INSL6: variants seen among roughly 807,000 people sequenced by gnomAD.
INSL6 encodes insulin like 6.
A neutral mutation model predicts 9.4 loss-of-function variants in INSL6; 16 were observed. That is an observed-to-expected ratio of 1.70 (90% CI 1.15 to 2.59). INSL6 has a LOEUF of 2.59. Among genes scored for constraint, INSL6 ranks in the 30% most tolerant of loss-of-function variants. The probability of loss-of-function intolerance (pLI) is 0.00; values close to 1 mark genes in which losing one functional copy is unlikely to be tolerated. For missense variants in INSL6, 391 were observed against 257.3 expected (o/e 1.52, Z -3.56); for synonymous variants, 154 against 96.9 (o/e 1.59, Z -3.46).
chr9:5,024,949 G>A, the INSL6 span, among the ~76,000 whole-genome samples: 4 of 152,190 alleles, frequency 2.6e-5, no homozygotes, highest in African/African-American at 9.7e-5. Context: ...TGCTTAACTA[G>A]GGGGAGTGGA....
the INSL6 span, among the ~76,000 whole-genome samples, chr9:5,004,086 CA>C: frequency 6.6e-6 from 1 of 152,054 alleles, no homozygotes; most frequent in African/African-American, 2.4e-5. Context: ...TGCAGAATGG[CA>C]AAATCAGTCT....
chr9:5,164,488 T>G (rs181908611), intron 1 of INSL6, among the ~76,000 whole-genome samples: 1 of 152,242 alleles, frequency 6.6e-6, no homozygotes, highest in Non-Finnish European at 1.5e-5. Flanking sequence ...TATTAACAAT[T>G]TGAGATATCA....
the INSL6 span, among the ~76,000 whole-genome samples, chr9:5,075,571 G>A: frequency 6.6e-6 from 1 of 152,168 alleles, no homozygotes; most frequent in Non-Finnish European, 1.5e-5. Context: ...TTATAGCATG[G>A]TTTATTGACT....
At chr9:5,085,866 T>G in the INSL6 span, 1 of 784,648 alleles carries the variant, frequency 1.3e-6, no homozygotes, top group Non-Finnish European at 2.3e-6. Context: ...AGAGATTTCC[T>G]TAAGTTCTGT....
intron 1 of INSL6, among the ~76,000 whole-genome samples, chr9:5,175,712 G>C (rs951400073): frequency 6.6e-6 from 1 of 152,088 alleles, no homozygotes; most frequent in Non-Finnish European, 1.5e-5. Context: ...TTATAGGAGT[G>C]TGAACCCTAT....
At chr9:5,011,079 A>G in the INSL6 span, among the ~76,000 whole-genome samples, 4 of 152,202 alleles carry the variant, frequency 2.6e-5, no homozygotes, top group African/African-American at 9.6e-5. Context: ...GTTTGGCTAT[A>G]ATGTGACTTA....
intron 3 of INSL6, chr9:5,128,282 ATTATAC>A (rs1824135987): frequency 1.3e-5 from 3 of 227,754 alleles, no homozygotes; most frequent in Admixed American, 5.7e-5. Flanking sequence ...TACATTCATT[ATTATAC>A]TTAAAGCATT....
chr9:5,126,034 A>C (rs528383418), intron 3 of INSL6: 42 of 207,446 alleles, frequency 2.0e-4, no homozygotes, highest in Non-Finnish European at 7.6e-5. Flanking sequence ...TAATATGATA[A>C]AAATATGAGT....
the INSL6 span, among the ~76,000 whole-genome samples, chr9:5,045,900 T>C: frequency 5.3e-5 from 8 of 152,198 alleles, no homozygotes; most frequent in African/African-American, 1.9e-4. Flanking sequence ...TTTCAATATA[T>C]ACCCAGAAAT....
chr9:5,149,181 A>T (rs1290218776), intron 2 of INSL6, among the ~76,000 whole-genome samples: 1 of 152,190 alleles, frequency 6.6e-6, no homozygotes, highest in African/African-American at 2.4e-5. Context: ...AGCAGCTAAG[A>T]TCCTAGAGGT....
chr9:5,122,049 T>C (rs150354852), downstream of INSL6, among the ~76,000 whole-genome samples: 219 of 152,276 alleles, frequency 1.4e-3, 2 homozygotes, highest in African/African-American at 4.8e-3. Flanking sequence ...TTACGTAGTA[T>C]GGACTGCCAG....
chr9:5,104,182 A>G, the INSL6 span, among the ~76,000 whole-genome samples: 5 of 152,292 alleles, frequency 3.3e-5, no homozygotes, highest in African/African-American at 1.2e-4. Flanking sequence ...CTAATAAAGA[A>G]GAAAAGAGAG....
At chr9:5,031,947 G>T in the INSL6 span, among the ~76,000 whole-genome samples, 5 of 152,242 alleles carry the variant, frequency 3.3e-5, no homozygotes, top group Admixed American at 6.5e-5. Context: ...AGCATGAGCC[G>T]AAGCAGGGCG....
the INSL6 span, among the ~76,000 whole-genome samples, chr9:5,033,737 G>A: frequency 1.3e-5 from 2 of 152,134 alleles, no homozygotes; most frequent in Non-Finnish European, 2.9e-5. Context: ...GCTCCTGAAG[G>A]AAGCACTAAA....
At chr9:5,041,555 G>C in the INSL6 span, 3 of 528,162 alleles carry the variant, frequency 5.7e-6, no homozygotes, top group South Asian at 1.5e-5. Flanking sequence ...TCCCAGAGGA[G>C]ATGGCTACGT....
chr9:5,135,722 CAA>C (rs1417290324), intron 2 of INSL6, among the ~76,000 whole-genome samples: 2 of 151,752 alleles, frequency 1.3e-5, no homozygotes, highest in Admixed American at 6.6e-5. Context: ...ACTAGAGAAA[CAA>C]GAGCAAACAA....
At chr9:5,166,659 G>A (rs1825058389) in intron 1 of INSL6, among the ~76,000 whole-genome samples, 1 of 152,082 alleles carries the variant, frequency 6.6e-6, no homozygotes, top group African/African-American at 2.4e-5. Flanking sequence ...TCAAAGAAAT[G>A]AAAAGGGTAG....
At chr9:5,172,897 T>G (rs879919835) in intron 1 of INSL6, among the ~76,000 whole-genome samples, 5 of 150,388 alleles carry the variant, frequency 3.3e-5, no homozygotes, top group Admixed American at 6.6e-5. Flanking sequence ...CATTGCACTC[T>G]AGCCTGGGTG....
intron 1 of INSL6, among the ~76,000 whole-genome samples, chr9:5,173,776 T>TAAAAAAAAAAAA (rs200177613): frequency 7.1e-6 from 1 of 141,358 alleles, no homozygotes; most frequent in Non-Finnish European, 1.5e-5. Context: ...AAAATAAAAT[T>TAAAAAAAAAAAA]AAAAAAAAAA....
Sources: allele counts gnomAD v4.1 joint callset (sites outside exome capture counted in the v4.1 genomes callset), GRCh38; gene constraint gnomAD v4.1.1; transcripts MANE v1.5; gene names NCBI Gene and HGNC (gene_info 2026-07-23, HGNC 2026-07-21).